The following EXOC6B variants were observed in gnomAD, a reference collection of about 807,000 sequenced individuals.
EXOC6B encodes the protein SEC15 homolog B.
In EXOC6B, 54 loss-of-function variants were observed where a neutral mutation model predicts 113.5. The ratio of observed to expected loss-of-function variants is 0.48; its 90% confidence interval spans 0.38 to 0.60. EXOC6B has a LOEUF of 0.60. Among genes scored for constraint, EXOC6B ranks in the 20% least tolerant of loss-of-function variants. The probability of loss-of-function intolerance (pLI) is 0.00; values close to 1 mark genes in which losing one functional copy is unlikely to be tolerated. For missense variants in EXOC6B, 797 were observed against 977.5 expected, an observed-to-expected ratio of 0.82 and a Z score of 2.46; for synonymous variants, 357 against 339.0, an observed-to-expected ratio of 1.05 and a Z score of -0.58.
At chr2:72,562,852 A>G (rs1411562629) in intron 7 of EXOC6B, among the ~76,000 whole-genome samples, 3 of 151,886 alleles carry the variant, frequency 2.0e-5, no homozygotes, top group South Asian at 4.1e-4. Flanking sequence ...GTTCAAATAC[A>G]TCTATGAAGA....
chr2:72,495,048 G>A (rs1699961497), intron 15 of EXOC6B, among the ~76,000 whole-genome samples: 2 of 151,732 alleles, frequency 1.3e-5, no homozygotes, highest in African/African-American at 4.8e-5. Flanking sequence ...ATAGAGATGG[G>A]GGTCCCACTA....
chr2:72,684,077 G>A (rs949075813), intron 6 of EXOC6B, among the ~76,000 whole-genome samples: 16 of 152,130 alleles, frequency 1.1e-4, no homozygotes, highest in East Asian at 9.6e-4. Flanking sequence ...GATTACAGGC[G>A]CCCATCAGCA....
chr2:72,569,385 AT>A (rs572932058), intron 7 of EXOC6B, among the ~76,000 whole-genome samples: 2 of 151,676 alleles, frequency 1.3e-5, no homozygotes, highest in African/African-American at 4.8e-5. Context: ...TTATTTTGCC[AT>A]TTTTTTGGAT....
intron 6 of EXOC6B, among the ~76,000 whole-genome samples, chr2:72,685,449 G>A (rs1478887967): frequency 1.3e-5 from 2 of 152,108 alleles, no homozygotes; most frequent in Non-Finnish European, 2.9e-5. Context: ...TGGTCCCAAA[G>A]GATGAGCCGA....
At chr2:72,385,042 CA>C (rs1378043349) in intron 18 of EXOC6B, among the ~76,000 whole-genome samples, 1 of 151,978 alleles carries the variant, frequency 6.6e-6, no homozygotes, top group Non-Finnish European at 1.5e-5. Context: ...CAAAAGACCC[CA>C]AATAGCCAAA....
intron 8 of EXOC6B, among the ~76,000 whole-genome samples, chr2:72,545,947 C>G (rs1047942296): frequency 3.9e-5 from 6 of 152,174 alleles, no homozygotes; most frequent in African/African-American, 1.4e-4. Context: ...CTGCTTATGT[C>G]TGTCTGTTCC....
At chr2:72,715,419 C>T (rs1176498823) in intron 6 of EXOC6B, among the ~76,000 whole-genome samples, 2 of 147,960 alleles carry the variant, frequency 1.4e-5, no homozygotes, top group Non-Finnish European at 3.0e-5. Context: ...CAGAAGTATA[C>T]ATTTAAAATA....
intron 6 of EXOC6B, among the ~76,000 whole-genome samples, chr2:72,649,039 C>T (rs1290541014): frequency 6.6e-6 from 1 of 152,092 alleles, no homozygotes; most frequent in African/African-American, 2.4e-5. Context: ...ACTCAGGAGG[C>T]TGAGGTGGGA....
At chr2:72,277,521 G>A (rs145340041) in intron 20 of EXOC6B, among the ~76,000 whole-genome samples, 1,811 of 151,446 alleles carry the variant, frequency 0.012, 12 homozygotes, top group Middle Eastern at 0.027. Context: ...TCTGGAGATA[G>A]TCACCCATGC....
At chr2:72,427,567 G>GC (rs1354874461) in intron 18 of EXOC6B, among the ~76,000 whole-genome samples, 1 of 152,156 alleles carries the variant, frequency 6.6e-6, no homozygotes, top group South Asian at 2.1e-4. Context: ...TGCTGCCTTG[G>GC]CCCCCTCTGG....
chr2:72,714,933 AATG>A (rs1425239005), intron 6 of EXOC6B, among the ~76,000 whole-genome samples: 1 of 152,200 alleles, frequency 6.6e-6, no homozygotes, highest in Non-Finnish European at 1.5e-5. Context: ...ATTTTGAGGG[AATG>A]ATAATGTCAA....
At position 72,731,048 on chromosome 2, in the gene EXOC6B, T is replaced by C. The variant is rs377611626; in HGVS notation, c.423A>G (p.Leu141=). The change falls in exon 5 of 22, where the codon CTA becomes CTG. Residue 141 remains leucine (L), a synonymous_variant. Transcript: ENST00000272427. The stretch of plus-strand genomic sequence containing the variant: ...GGTCCCTCAGTTTGCTGTACATCTC[T>C]AGGACTTAAAAGAAAGAAAAGAATA... ...VDKLMLCLPV[L]EMYSKLRDQM... is the part of the protein sequence containing the mutation. The C allele has an allele frequency of 1.3e-4, 205 of 1,551,984 alleles. No individual in the cohort carries two copies. The highest frequency in any genetic ancestry group is 1.6e-4 in the Non-Finnish European group (184 of 1,149,104).
intron 9 of EXOC6B, 25 bp downstream of exon 9, chr2:72,515,018 A>G: frequency 3.8e-6 from 6 of 1,574,460 alleles, no homozygotes; most frequent in Non-Finnish European, 5.2e-6. Flanking sequence ...TAAAAATGTG[A>G]GAAAAGTGAA....
chr2:72,636,889 T>C (rs998898697), intron 6 of EXOC6B, among the ~76,000 whole-genome samples: 2 of 151,554 alleles, frequency 1.3e-5, no homozygotes, highest in Non-Finnish European at 2.9e-5. Flanking sequence ...TATTTACAAA[T>C]GATATGATAA....
At chr2:72,428,126 G>A (rs1182696345) in intron 18 of EXOC6B, among the ~76,000 whole-genome samples, 1 of 152,116 alleles carries the variant, frequency 6.6e-6, no homozygotes, top group African/African-American at 2.4e-5. Context: ...CTTCCTCTTG[G>A]TCACCCATCA....
intron 18 of EXOC6B, among the ~76,000 whole-genome samples, chr2:72,457,646 C>G (rs1697325305): frequency 6.6e-6 from 1 of 151,982 alleles, no homozygotes; most frequent in Admixed American, 6.6e-5. Flanking sequence ...TGCTCTTACG[C>G]TGAGCATGCA....
intron 20 of EXOC6B, among the ~76,000 whole-genome samples, chr2:72,273,008 C>T (rs1057112759): frequency 2.6e-5 from 4 of 152,138 alleles, no homozygotes; most frequent in Admixed American, 2.0e-4. Flanking sequence ...CAGTTACAGT[C>T]ACACTGCCCT....
chr2:72,620,753 T>C (rs1671695449), intron 6 of EXOC6B, among the ~76,000 whole-genome samples: 1 of 151,916 alleles, frequency 6.6e-6, no homozygotes, highest in African/African-American at 2.4e-5. Context: ...TCATAAACTA[T>C]GCATTTGACA....
chr2:72,483,201 T>C (rs1311037721), intron 16 of EXOC6B, among the ~76,000 whole-genome samples: 1 of 152,196 alleles, frequency 6.6e-6, no homozygotes, highest in Non-Finnish European at 1.5e-5. Flanking sequence ...TTAAAAATAT[T>C]TAAGTTGTGT....
Sources: gnomAD v4.1 joint callset for allele counts (sites outside exome capture counted in the v4.1 genomes callset) on GRCh38, gnomAD v4.1.1 for gene constraint, MANE v1.5 for transcripts, NCBI Gene and HGNC (gene_info 2026-07-23, HGNC 2026-07-21) for gene names.